The following ADGRA3 variants were observed in gnomAD, a reference collection of about 807,000 sequenced individuals.
The protein encoded by ADGRA3 is G-protein coupled receptor 125.
ADGRA3 carries 56 observed loss-of-function variants against 119.8 expected under a neutral mutation model. The observed-to-expected ratio is 0.47, with a 90% CI of 0.38 to 0.58. ADGRA3 has a LOEUF of 0.58. Among genes scored for constraint, ADGRA3 ranks in the 20% least tolerant of loss-of-function variants. The probability of loss-of-function intolerance (pLI) is 0.00; values close to 1 mark genes in which losing one functional copy is unlikely to be tolerated. For synonymous variants in ADGRA3, 607 were observed against 623.8 expected (o/e 0.97, Z 0.40); for missense variants, 1,516 against 1,649.0 (o/e 0.92, Z 1.40).
chr4:22,500,735 T>C (rs946837026), intron 1 of ADGRA3, among the ~76,000 whole-genome samples: 2 of 152,154 alleles, frequency 1.3e-5, no homozygotes, highest in African/African-American at 4.8e-5. Context: ...AAACCATTAT[T>C]TCAGGGTGTG....
intron 1 of ADGRA3, among the ~76,000 whole-genome samples, chr4:22,496,288 C>T (rs2109158947): frequency 6.6e-6 from 1 of 152,200 alleles, no homozygotes; most frequent in African/African-American, 2.4e-5. Flanking sequence ...GTATGGGTGA[C>T]CTCAGGGAAC....
chr4:22,484,479 C>T (rs1247416972), intron 1 of ADGRA3, among the ~76,000 whole-genome samples: 3 of 151,982 alleles, frequency 2.0e-5, no homozygotes, highest in Non-Finnish European at 2.9e-5. Flanking sequence ...TTGGTGCATG[C>T]CTGTAATCCC....
chr4:22,428,583 C>T (rs1234721137), intron 10 of ADGRA3, among the ~76,000 whole-genome samples: 2 of 152,148 alleles, frequency 1.3e-5, no homozygotes, highest in African/African-American at 2.4e-5. Context: ...GAGGAACCTA[C>T]ATTATCATCA....
intron 14 of ADGRA3, 61 bp from the exon 15 acceptor site, chr4:22,402,860 T>C: frequency 1.3e-6 from 2 of 1,518,566 alleles, no homozygotes; most frequent in Non-Finnish European, 8.9e-7. Flanking sequence ...ACTACTGAGA[T>C]TTTTTTGAGT....
chr4:22,390,786 G>A (rs1202836319), intron 17 of ADGRA3, among the ~76,000 whole-genome samples: 2 of 152,054 alleles, frequency 1.3e-5, no homozygotes, highest in Non-Finnish European at 2.9e-5. Context: ...GGACTGCAGA[G>A]AGTTTGAAGC....
At chr4:22,501,356 G>A (rs1719042078) in intron 1 of ADGRA3, among the ~76,000 whole-genome samples, 1 of 152,094 alleles carries the variant, frequency 6.6e-6, no homozygotes, top group Non-Finnish European at 1.5e-5. Flanking sequence ...AGAAAGGCCA[G>A]GATCTTCAGT....
rs745560340 is a variant in ADGRA3, at chr4:22,438,456, T to C, written c.921-36A>G. On this transcript the variant is annotated intron_variant, in intron 7 of 18. Transcript: ENST00000334304. ...AAAGATTTTAAAAAGAGAGAAAATA[T>C]AATTAGGCAAAAAAGGAGACAATAA... 3.2e-6 allele frequency: 5 copies of C among 1,555,628 alleles called. No homozygotes were observed. The Admixed American group carries it at 7.2e-5, about 22-fold the overall frequency.
At chr4:22,505,747 AAG>A (rs1217660156) in intron 1 of ADGRA3, among the ~76,000 whole-genome samples, 1 of 152,164 alleles carries the variant, frequency 6.6e-6, no homozygotes, top group Non-Finnish European at 1.5e-5. Context: ...TCACATCAAA[AAG>A]AGCTACAGGG....
chr4:22,454,656 A>G (rs140005152), intron 4 of ADGRA3, among the ~76,000 whole-genome samples: 1 of 152,116 alleles, frequency 6.6e-6, no homozygotes, highest in African/African-American at 2.4e-5. Context: ...TGTGGTGTAC[A>G]TGCACATGTG....
chr4:22,388,126 C>T lies in ADGRA3; in HGVS notation c.3545G>A (p.Ser1182Asn), dbSNP rs370861136. 60 of 1,614,016 alleles carry T rather than the reference C, an allele frequency of 3.7e-5. No homozygotes were observed. The Admixed American group carries it at 9.0e-4, about 24-fold the overall frequency. ...HKNRSKGHRA[S>N]RLTVLREYAY... ...ATATTCTCTCAGGACTGTGAGTCGG[C>T]TTGCCCGGTGTCCTTTACTTCTGTT... is the stretch of plus-strand genomic sequence containing the variant. The change falls in exon 19 of 19, where the codon AGC (serine) becomes AAC (asparagine). Residue 1182 changes from serine (S) to asparagine (N), a missense_variant. Coordinates refer to ENST00000334304, the MANE Select transcript of ADGRA3 (RefSeq NM_145290.4).
At position 22,411,338 on chromosome 4, in the gene ADGRA3, C is replaced by A. The variant is rs938680385; in HGVS notation, c.2232+1844G>T. 5.3e-5 allele frequency among the ~76,000 whole-genome samples: 8 copies of A among 152,200 alleles called. No homozygotes were observed. The East Asian group carries it at 5.8e-4, about 11-fold the overall frequency. On this transcript the variant is annotated intron_variant, in intron 14 of 18. Transcript: ENST00000334304. ...ATTTAAAAGGTGGCAGTGGCTCATG[C>A]CTATAATCCCAGCACTTTCCGAGCT...
intron 2 of ADGRA3, among the ~76,000 whole-genome samples, chr4:22,471,315 G>A (rs937404802): frequency 3.9e-5 from 6 of 152,158 alleles, no homozygotes; most frequent in Admixed American, 6.5e-5. Flanking sequence ...CTACTTGAGC[G>A]GGGAAGATGG....
intron 1 of ADGRA3, among the ~76,000 whole-genome samples, chr4:22,510,657 G>A (rs1719418372): frequency 6.6e-6 from 1 of 152,042 alleles, no homozygotes; most frequent in South Asian, 2.1e-4. Flanking sequence ...CTTCAAGTGG[G>A]CCAGCCACCA....
At chr4:22,470,487 C>T (rs1181211488) in intron 2 of ADGRA3, among the ~76,000 whole-genome samples, 1 of 152,162 alleles carries the variant, frequency 6.6e-6, no homozygotes, top group Admixed American at 6.5e-5. Flanking sequence ...CCTTACCCTA[C>T]AAAATCCTAA....
At chr4:22,482,389 C>A (rs1226343177) in intron 1 of ADGRA3, among the ~76,000 whole-genome samples, 1 of 151,940 alleles carries the variant, frequency 6.6e-6, no homozygotes, top group African/African-American at 2.4e-5. Flanking sequence ...GGTTCAGTGG[C>A]TTATACCTAT....
At chr4:22,397,183 T>C (rs1406518299) in intron 16 of ADGRA3, among the ~76,000 whole-genome samples, 5 of 16,212 alleles carry the variant, frequency 3.1e-4, no homozygotes, top group Non-Finnish European at 1.2e-3. Context: ...TTCTTTTTTT[T>C]TTTTTTTTTT....
intron 10 of ADGRA3, among the ~76,000 whole-genome samples, chr4:22,424,812 C>G (rs1715865357): frequency 6.6e-6 from 1 of 152,188 alleles, no homozygotes; most frequent in South Asian, 2.1e-4. Flanking sequence ...TGGCTCACAC[C>G]TGTAATCCCA....
chr4:22,425,636 A>G (rs1008677752), intron 10 of ADGRA3, among the ~76,000 whole-genome samples: 2 of 152,208 alleles, frequency 1.3e-5, no homozygotes, highest in African/African-American at 4.8e-5. Context: ...AAAGGCGTTA[A>G]GTCCCAGTGC....
At chr4:22,427,536 A>G (rs957561943) in intron 10 of ADGRA3, among the ~76,000 whole-genome samples, 3 of 152,160 alleles carry the variant, frequency 2.0e-5, no homozygotes, top group Non-Finnish European at 4.4e-5. Context: ...AGAACAAGCT[A>G]TTTTTCTCAT....
Sources: gnomAD v4.1 joint callset for allele counts (sites outside exome capture counted in the v4.1 genomes callset) on GRCh38, gnomAD v4.1.1 for gene constraint, MANE v1.5 for transcripts, NCBI Gene and HGNC (gene_info 2026-07-23, HGNC 2026-07-21) for gene names.